PKIA: variants seen among roughly 807,000 people sequenced by gnomAD.
The protein encoded by PKIA is PKI-alpha.
PKIA carries 4 observed loss-of-function variants against 7.6 expected under a neutral mutation model. The observed-to-expected ratio is 0.52, with a 90% CI of 0.26 to 1.20. The LOEUF (loss-of-function observed/expected upper bound fraction) is 1.20. Among genes scored for constraint, PKIA ranks in the 50% most tolerant of loss-of-function variants. The pLI is 0.13. For missense variants in PKIA, 73 were observed against 86.2 expected (o/e 0.85, Z 0.61); for synonymous variants, 21 against 30.7 (o/e 0.68, Z 1.04).
intron 1 of PKIA, among the ~76,000 whole-genome samples, chr8:78,549,431 T>G (rs1231668361): frequency 6.6e-6 from 1 of 152,038 alleles, no homozygotes; most frequent in Non-Finnish European, 1.5e-5. Flanking sequence ...TAAGCTTAAC[T>G]TTTACAGCAA....
chr8:78,553,661 T>C (rs112729674), intron 1 of PKIA, among the ~76,000 whole-genome samples: 1 of 151,962 alleles, frequency 6.6e-6, no homozygotes, highest in East Asian at 1.9e-4. Flanking sequence ...CCCTGAAAGC[T>C]GAAAACGTGC....
chr8:78,555,002 A>G (rs1807090810), intron 1 of PKIA, among the ~76,000 whole-genome samples: 2 of 152,054 alleles, frequency 1.3e-5, no homozygotes, highest in Non-Finnish European at 2.9e-5. Context: ...AAAATGGTGC[A>G]TGACTGAGTC....
chr8:78,525,507 T>C lies in PKIA; in HGVS notation c.-157+9039T>C, dbSNP rs371274950. 1.8e-4 allele frequency among the ~76,000 whole-genome samples: 27 copies of C among 152,184 alleles called. No homozygotes were observed. The East Asian group carries it at 4.4e-3, about 25-fold the overall frequency. On this transcript the variant is annotated intron_variant, in intron 1 of 3. Coordinates refer to ENST00000396418, the MANE Select transcript of PKIA (RefSeq NM_006823.4). ...GTCCATTAAATAAGAGGATGAATGTTGGCATCTTGCTCATCTATTTAGAAA... is the reference window on the plus strand; with the variant it reads ...GTCCATTAAATAAGAGGATGAATGTCGGCATCTTGCTCATCTATTTAGAAA...
At chr8:78,597,113 G>A (rs564392494) in intron 2 of PKIA, among the ~76,000 whole-genome samples, 19 of 152,232 alleles carry the variant, frequency 1.2e-4, no homozygotes, top group African/African-American at 4.1e-4. Context: ...TTTGGGTAGC[G>A]TGATGCTTCT....
intron 1 of PKIA, among the ~76,000 whole-genome samples, chr8:78,568,339 A>G (rs1017206279): frequency 3.9e-5 from 6 of 152,116 alleles, no homozygotes; most frequent in Admixed American, 3.3e-4. Flanking sequence ...AAATCGTAAT[A>G]ACCTTGTGAA....
At chr8:78,558,679 A>G (rs1807210997) in intron 1 of PKIA, among the ~76,000 whole-genome samples, 1 of 151,342 alleles carries the variant, frequency 6.6e-6, no homozygotes. Flanking sequence ...ATACAATTTA[A>G]GTTGAGATTT....
At chr8:78,599,898 G>T (rs1808314199) in intron 3 of PKIA, among the ~76,000 whole-genome samples, 1 of 150,752 alleles carries the variant, frequency 6.6e-6, no homozygotes. Context: ...AGAATTGTTA[G>T]CCCTAAGACT....
At position 78,548,947 on chromosome 8, in the gene PKIA, T is replaced by A. The variant is rs10504677; in HGVS notation, c.-156-23864T>A. Among the ~76,000 whole-genome samples, 9 of 152,096 alleles carry A rather than the reference T, an allele frequency of 5.9e-5. No individual in the cohort carries two copies. In the East Asian group the frequency reaches 1.3e-3, roughly 23 times the overall value. On this transcript the variant is annotated intron_variant, in intron 1 of 3. Coordinates refer to ENST00000396418, the MANE Select transcript of PKIA (RefSeq NM_006823.4). ...TTATTTAATGGACAAATACATGCAC[T>A]ATCAGGTGGTTACATGAATCTCCAT...
At position 78,521,166 on chromosome 8, in the gene PKIA, T is replaced by C. The variant is rs142978269; in HGVS notation, c.-157+4698T>C. The stretch of plus-strand genomic sequence containing the variant: ...CTTAAGAGTATTGTACTACCACATA[T>C]GTGGGAAAACATTGCCAGCAGTTGA... On this transcript the variant is annotated intron_variant, in intron 1 of 3. Coordinates refer to ENST00000396418, the MANE Select transcript of PKIA (RefSeq NM_006823.4). Among the ~76,000 whole-genome samples, 783 of 152,220 alleles carry C rather than the reference T, an allele frequency of 5.1e-3. 10 individuals carry two copies. The highest frequency in any genetic ancestry group is 0.018 in the African/African-American group (754 of 41,550).
chr8:78,568,209 A>G (rs1315925687), intron 1 of PKIA, among the ~76,000 whole-genome samples: 3 of 152,180 alleles, frequency 2.0e-5, no homozygotes, highest in African/African-American at 7.2e-5. Context: ...ACATCAAGCT[A>G]AGGATGAGTT....
At chr8:78,527,102 T>C (rs1433437212) in intron 1 of PKIA, among the ~76,000 whole-genome samples, 2 of 152,096 alleles carry the variant, frequency 1.3e-5, no homozygotes, top group Admixed American at 6.6e-5. Flanking sequence ...AGTCTCTTCA[T>C]GTATTCCTGG....
chr8:78,580,471 T>C (rs1391422635), intron 2 of PKIA, among the ~76,000 whole-genome samples: 2 of 152,016 alleles, frequency 1.3e-5, no homozygotes, highest in Non-Finnish European at 2.9e-5. Context: ...TTTGTCACCA[T>C]GGGCAGGGTG....
intron 2 of PKIA, among the ~76,000 whole-genome samples, chr8:78,574,089 T>C (rs1298656114): frequency 6.6e-6 from 1 of 152,006 alleles, no homozygotes; most frequent in Non-Finnish European, 1.5e-5. Context: ...ATCAGATAAA[T>C]TTCTTAACTA....
At position 78,605,039 on chromosome 8, in the gene PKIA, C is replaced by G. The variant is rs1808440989; in HGVS notation, c.*3218C>G. The G allele has an allele frequency of 6.6e-6, 1 of 151,908 alleles. No individual in the cohort carries two copies. The highest frequency in any genetic ancestry group is 1.5e-5 in the Non-Finnish European group (1 of 67,932). The allele number at this position is 151,908 out of a possible 1,614,324, so 9.4% of individuals were successfully genotyped here. A position where few individuals can be genotyped will look rare whatever the true frequency, so the allele number is the denominator to read the frequency against. ...ATGTAACTGCCGGGCAGCAAAGCTT[C>G]TAAGTGAAACCTGTAGTAGCAGTAG... On this transcript the variant is annotated 3_prime_UTR_variant, in exon 4 of 4. Transcript: ENST00000396418.
intron 2 of PKIA, among the ~76,000 whole-genome samples, chr8:78,585,238 TGGG>T (rs1359762026): frequency 2.0e-4 from 30 of 152,130 alleles, no homozygotes; most frequent in Admixed American, 1.6e-3. Flanking sequence ...TTTATATATA[TGGG>T]TATATTTCTC....
Position 78,516,407 on chromosome 8 carries a change from G to C in PKIA, c.-218G>C, listed in dbSNP as rs1473823646. On this transcript the variant is annotated 5_prime_UTR_variant, in exon 1 of 4. Transcript: ENST00000396418. ...CGAGCTGACCGAGCACTCGGCGGGC[G>C]CGGCGGGACTGCGGCCCGTGGCGGC... The C allele has an allele frequency of 6.6e-6, 1 of 152,360 alleles. No individual in the cohort carries two copies. The highest frequency in any genetic ancestry group is 1.9e-4 in the East Asian group (1 of 5,188). 9.4% of individuals were successfully genotyped at this position (152,360 alleles called of 1,614,324 possible).
intron 1 of PKIA, among the ~76,000 whole-genome samples, chr8:78,563,729 GA>G (rs971254804): frequency 4.0e-5 from 6 of 151,856 alleles, no homozygotes; most frequent in Middle Eastern, 3.4e-3. Context: ...ATGAGGTGTG[GA>G]AAAAAAATCT....
At chr8:78,574,747 A>G (rs971840298) in intron 2 of PKIA, among the ~76,000 whole-genome samples, 2 of 152,146 alleles carry the variant, frequency 1.3e-5, no homozygotes, top group South Asian at 2.1e-4. Flanking sequence ...AGCATTCACT[A>G]TGCACAATTT....
intron 1 of PKIA, among the ~76,000 whole-genome samples, chr8:78,520,230 G>C (rs1005136369): frequency 6.6e-6 from 1 of 152,078 alleles, no homozygotes; most frequent in African/African-American, 2.4e-5. Flanking sequence ...TGCTAATTTG[G>C]TTTTTTAAAA....
Sources: allele counts gnomAD v4.1 joint callset (sites outside exome capture counted in the v4.1 genomes callset), GRCh38; gene constraint gnomAD v4.1.1; transcripts MANE v1.5; gene names NCBI Gene and HGNC (gene_info 2026-07-23, HGNC 2026-07-21).